The following ENTREP2 variants were observed in gnomAD, a reference collection of about 807,000 sequenced individuals.
ENTREP2 encodes the protein endosomal transmembrane epsin interactor 2.
chr15:29,360,044 C>T, the ENTREP2 span, among the ~76,000 whole-genome samples: 22 of 152,124 alleles, frequency 1.4e-4, no homozygotes, highest in African/African-American at 4.3e-4. Flanking sequence ...AACCTGGGTA[C>T]GTAGAGAGAG....
At chr15:29,578,806 A>G in the ENTREP2 span, among the ~76,000 whole-genome samples, 1 of 144,778 alleles carries the variant, frequency 6.9e-6, no homozygotes, top group Non-Finnish European at 1.5e-5. Context: ...TCTGTATCTT[A>G]AACTATGTTA....
chr15:29,439,714 A>G, the ENTREP2 span, among the ~76,000 whole-genome samples: 1 of 152,154 alleles, frequency 6.6e-6, no homozygotes, highest in Non-Finnish European at 1.5e-5. Context: ...CTATGGCTTT[A>G]ACTCACGTCC....
chr15:29,204,829 A>G, the ENTREP2 span, among the ~76,000 whole-genome samples: 1 of 152,230 alleles, frequency 6.6e-6, no homozygotes, highest in East Asian at 1.9e-4. Context: ...AAATACACAC[A>G]ACATAAAATT....
At chr15:29,299,835 C>T in the ENTREP2 span, among the ~76,000 whole-genome samples, 1 of 151,184 alleles carries the variant, frequency 6.6e-6, no homozygotes, top group Non-Finnish European at 1.5e-5. Context: ...CAAACATTAG[C>T]TGTTGATTAA....
At chr15:29,479,571 T>TA in the ENTREP2 span, among the ~76,000 whole-genome samples, 1 of 151,942 alleles carries the variant, frequency 6.6e-6, no homozygotes, top group African/African-American at 2.4e-5. Flanking sequence ...ACTCCACCCC[T>TA]AAGGGCTACT....
the ENTREP2 span, among the ~76,000 whole-genome samples, chr15:29,191,510 A>G: frequency 6.6e-6 from 1 of 152,174 alleles, no homozygotes; most frequent in Non-Finnish European, 1.5e-5. Flanking sequence ...CATGGAAAAA[A>G]AAGACAAAGA....
chr15:29,500,994 A>G, the ENTREP2 span, among the ~76,000 whole-genome samples: 3 of 152,150 alleles, frequency 2.0e-5, no homozygotes, highest in African/African-American at 7.2e-5. Flanking sequence ...GAAACACACG[A>G]TCTACCAAAA....
At chr15:29,202,214 C>A in the ENTREP2 span, among the ~76,000 whole-genome samples, 3 of 152,044 alleles carry the variant, frequency 2.0e-5, no homozygotes, top group African/African-American at 7.2e-5. Flanking sequence ...AGTATCAGCT[C>A]CTTTTTCATT....
At chr15:29,121,481 C>G in the ENTREP2 span, 4 of 152,330 alleles carry the variant, frequency 2.6e-5, no homozygotes, top group Middle Eastern at 3.4e-3. Flanking sequence ...GCGGCGTGGC[C>G]CCAGCGCACC....
At chr15:29,599,945 G>GT in the ENTREP2 span, among the ~76,000 whole-genome samples, 12 of 151,882 alleles carry the variant, frequency 7.9e-5, no homozygotes, top group African/African-American at 2.7e-4. Flanking sequence ...CTGTCTCTAT[G>GT]TTTTTTTTAT....
the ENTREP2 span, among the ~76,000 whole-genome samples, chr15:29,436,859 C>T: frequency 0.42 from 63,274 of 152,024 alleles, 13,438 homozygotes; most frequent in African/African-American, 0.5. Context: ...GAATTTCCAA[C>T]GATGTTATAT....
At chr15:29,549,274 C>CTTT in the ENTREP2 span, among the ~76,000 whole-genome samples, 50,553 of 144,610 alleles carry the variant, frequency 0.35, 8,615 homozygotes, top group East Asian at 0.4. Flanking sequence ...ATTTGTTATA[C>CTTT]ATTTTTTTTT....
the ENTREP2 span, among the ~76,000 whole-genome samples, chr15:29,607,956 G>A: frequency 5.3e-5 from 8 of 152,210 alleles, no homozygotes; most frequent in Non-Finnish European, 1.0e-4. Flanking sequence ...AAGGAGAGCC[G>A]GTCCGAGTCC....
the ENTREP2 span, among the ~76,000 whole-genome samples, chr15:29,322,011 C>A: frequency 4.7e-5 from 7 of 150,132 alleles, no homozygotes; most frequent in African/African-American, 1.7e-4. Context: ...AAAAGGAGTT[C>A]TTTGAAGAAA....
At chr15:29,286,653 T>A in the ENTREP2 span, among the ~76,000 whole-genome samples, 6 of 152,206 alleles carry the variant, frequency 3.9e-5, no homozygotes, top group Admixed American at 2.0e-4. Flanking sequence ...GTCCCCACTG[T>A]AGTGCTCTCC....
chr15:29,616,138 T>A, the ENTREP2 span, among the ~76,000 whole-genome samples: 2 of 152,222 alleles, frequency 1.3e-5, no homozygotes, highest in African/African-American at 4.8e-5. Flanking sequence ...TTTGCAAACA[T>A]CAGAGCAGAC....
chr15:29,493,125 C>T, the ENTREP2 span, among the ~76,000 whole-genome samples: 260 of 84,770 alleles, frequency 3.1e-3, 1 homozygote, highest in African/African-American at 0.013. Context: ...CCTGACAACC[C>T]TTTTTTTTTT....
the ENTREP2 span, among the ~76,000 whole-genome samples, chr15:29,646,715 G>A: frequency 1.3e-5 from 2 of 152,148 alleles, no homozygotes; most frequent in African/African-American, 4.8e-5. Flanking sequence ...GCAGTACCTA[G>A]ATGAACATTT....
At chr15:29,515,043 T>C in the ENTREP2 span, among the ~76,000 whole-genome samples, 4 of 152,208 alleles carry the variant, frequency 2.6e-5, no homozygotes, top group Admixed American at 2.6e-4. Context: ...CACGAACACT[T>C]TCTTCAAAGT....
Sources: allele counts gnomAD v4.1 joint callset (sites outside exome capture counted in the v4.1 genomes callset), GRCh38; gene constraint gnomAD v4.1.1; transcripts MANE v1.5; gene names NCBI Gene and HGNC (gene_info 2026-07-23, HGNC 2026-07-21).